LRRIQ1: variants seen among roughly 807,000 people sequenced by gnomAD.
LRRIQ1 encodes the protein leucine rich repeats and IQ motif containing 1, also known as leucine-rich repeat- and IQ domain-containing protein 1.
A neutral mutation model predicts 211.9 loss-of-function variants in LRRIQ1; 210 were observed. That is an observed-to-expected ratio of 0.99 (90% CI 0.89 to 1.11). The LOEUF (loss-of-function observed/expected upper bound fraction) is 1.11, where lower values mean the gene tolerates loss of function less well. LRRIQ1 is among the 50% of genes most tolerant of loss of function. The probability of loss-of-function intolerance (pLI) is 0.00; values close to 1 mark genes in which losing one functional copy is unlikely to be tolerated. For synonymous variants in LRRIQ1, 699 were observed against 650.1 expected, an observed-to-expected ratio of 1.08 and a Z score of -1.14; for missense variants, 2,136 against 1,939.5, an observed-to-expected ratio of 1.10 and a Z score of -1.90.
intron 15 of LRRIQ1, among the ~76,000 whole-genome samples, chr12:85,118,572 A>G (rs1477203812): frequency 6.9e-6 from 1 of 144,136 alleles, no homozygotes; most frequent in Non-Finnish European, 1.5e-5. Flanking sequence ...TTAATTTACT[A>G]TTACTACCAA....
intron 11 of LRRIQ1, among the ~76,000 whole-genome samples, chr12:85,080,007 A>G (rs1884100982): frequency 6.6e-6 from 1 of 151,996 alleles, no homozygotes; most frequent in South Asian, 2.1e-4. Context: ...CCTTTATTGT[A>G]GGTCTGCTGG....
intron 1 of LRRIQ1, among the ~76,000 whole-genome samples, chr12:85,255,215 A>T (rs191311123): frequency 6.6e-6 from 1 of 151,872 alleles, no homozygotes; most frequent in Admixed American, 6.6e-5. Context: ...TGTAATTATT[A>T]AATGCAAAAT....
rs760765297 is a variant in LRRIQ1 at position 85,072,975 on chromosome 12, A to G, written c.2764A>G (p.Thr922Ala). The change falls in exon 11 of 27, where the codon ACT becomes GCT. Residue 922 changes from threonine to alanine, a missense_variant. By Grantham distance (58) the Thr-to-Ala change is moderately conservative (BLOSUM62 0). Transcript: ENST00000393217. ...AGFCHHLGTS[T>A]SYLSLAQVWI... is the part of the protein sequence containing the mutation. ...GTTCTGCCATCACTTGGGCACCTCC[A>G]CTTCTTACTTATCCCTGGCACAAGT... The G allele has an allele frequency of 2.5e-6, 4 of 1,612,758 alleles. No individual in the cohort carries two copies. The highest frequency in any genetic ancestry group is 3.4e-6 in the Non-Finnish European group (4 of 1,179,306).
At chr12:85,100,883 T>C (rs1886299152) in intron 13 of LRRIQ1, among the ~76,000 whole-genome samples, 1 of 151,774 alleles carries the variant, frequency 6.6e-6, no homozygotes, top group Admixed American at 6.6e-5. Context: ...AAATTATCTA[T>C]TTTAATTTAT....
Position 85,098,354 on chromosome 12 carries a change from G to A in LRRIQ1, c.2888-1G>A. 6.3e-7 allele frequency: 1 copy of A among 1,590,360 alleles called. No homozygotes were observed. The highest frequency in any genetic ancestry group is 8.6e-7 in the Non-Finnish European group (1 of 1,164,544). On this transcript the variant is annotated splice_acceptor_variant, in intron 11 of 26. Transcript: ENST00000393217. LOFTEE classifies it high-confidence loss of function. The stretch of plus-strand genomic sequence containing the variant: ...GTGATCTTATAACTTTTTTCTTCTA[G>A]GTGGTTTAGAATCTTTGAAAAATCT...
chr12:85,052,216 G>A lies in LRRIQ1; in HGVS notation c.718G>A (p.Glu240Lys). The change falls in exon 7 of 27, where the codon GAG becomes AAG. Residue 240 changes from glutamate (E) to lysine (K), a missense_variant. Transcript: ENST00000393217. ...DKMNDELYKE[E>K]KIWKEKFKQH... ...GATGAATGATGAACTCTATAAAGAA[G>A]AGAAAATTTGGAAAGAGAAATTTAA... The A allele has an allele frequency of 6.4e-7, 1 of 1,562,128 alleles. No individual in the cohort carries two copies. The highest frequency in any genetic ancestry group is 8.7e-7 in the Non-Finnish European group (1 of 1,145,672).
intron 8 of LRRIQ1, among the ~76,000 whole-genome samples, chr12:85,060,670 C>T (rs1037303716): frequency 1.3e-5 from 2 of 151,714 alleles, no homozygotes; most frequent in African/African-American, 4.8e-5. Context: ...CCCTTTGCAG[C>T]TGATTTTTAA....
chr12:85,262,479 C>A (rs1896326910), intron 1 of LRRIQ1, among the ~76,000 whole-genome samples: 1 of 151,852 alleles, frequency 6.6e-6, no homozygotes, highest in Admixed American at 6.6e-5. Context: ...ACTCCTTTTT[C>A]TGAAAAAGAC....
intron 19 of LRRIQ1, among the ~76,000 whole-genome samples, chr12:85,151,142 T>C (rs997080246): frequency 1.3e-5 from 2 of 151,446 alleles, no homozygotes; most frequent in Non-Finnish European, 1.5e-5. Context: ...GATATATATA[T>C]ATATGTATAT....
At position 85,100,487 on chromosome 12, in the gene LRRIQ1, A is replaced by G. The variant is rs117609188; in HGVS notation, c.3209+1493A>G. On this transcript the variant is annotated intron_variant, in intron 13 of 26. Coordinates refer to ENST00000393217, the MANE Select transcript of LRRIQ1 (RefSeq NM_001079910.2). ...TTGCATAATCTTATAACGTTTGACT[A>G]TTGAGATGGGGTTTGCTATTTGGGG... Among the ~76,000 whole-genome samples the G allele has an allele frequency of 9.1e-3, 1,385 of 151,820 alleles. 8 individuals carry two copies. Among genetic ancestry groups the G allele is most frequent in the Non-Finnish European group, 0.016 (1,079 of 67,668 alleles).
At chr12:85,059,307 C>G (rs1881504493) in intron 8 of LRRIQ1, among the ~76,000 whole-genome samples, 1 of 151,982 alleles carries the variant, frequency 6.6e-6, no homozygotes, top group African/African-American at 2.4e-5. Context: ...GTTGTTCATA[C>G]TTCTTTACAC....
intron 21 of LRRIQ1, 67 bp downstream of exon 21, chr12:85,153,212 G>C: frequency 1.5e-6 from 2 of 1,358,432 alleles, no homozygotes; most frequent in Non-Finnish European, 2.0e-6. Context: ...TCATACAAAA[G>C]TAGTACAATT....
intron 18 of LRRIQ1, 107 bp from the exon 19 acceptor site, chr12:85,137,743 T>C: frequency 1.1e-6 from 1 of 918,738 alleles, no homozygotes. Context: ...TATTGTGTCA[T>C]TAAACTTAGG....
downstream of LRRIQ1, chr12:85,245,153 G>T: frequency 1.4e-6 from 1 of 696,206 alleles, no homozygotes; most frequent in Non-Finnish European, 2.1e-6. Context: ...AATATCTCCT[G>T]CCCCCCACAC....
At chr12:85,108,956 A>G (rs948959797) in intron 15 of LRRIQ1, among the ~76,000 whole-genome samples, 3 of 151,928 alleles carry the variant, frequency 2.0e-5, no homozygotes, top group African/African-American at 4.8e-5. Flanking sequence ...GTTAAAATAC[A>G]TTTATGAACA....
intron 24 of LRRIQ1, among the ~76,000 whole-genome samples, chr12:85,194,239 C>A (rs1306876084): frequency 1.6e-5 from 2 of 121,814 alleles, no homozygotes; most frequent in African/African-American, 6.6e-5. Flanking sequence ...CTTTAACACC[C>A]CACTGTCAAC....
At chr12:85,119,437 T>A (rs1179239442) in intron 15 of LRRIQ1, among the ~76,000 whole-genome samples, 1 of 152,200 alleles carries the variant, frequency 6.6e-6, no homozygotes, top group Non-Finnish European at 1.5e-5. Context: ...TGCTTCCAAG[T>A]TTTGGCGATT....
chr12:85,098,426 CT>C lies in LRRIQ1; in HGVS notation c.2962del (p.Cys988ValfsTer9). ...DHNQLINTKG[L>X]CDTPTIVYLD... ...CAATCAGTTAATTAATACAAAAGGT[CT>C]TTGTGATACACCTACCATTGTATAC... On this transcript the variant is annotated frameshift_variant, in exon 12 of 27. Coordinates refer to ENST00000393217, the MANE Select transcript of LRRIQ1 (RefSeq NM_001079910.2). LOFTEE classifies it high-confidence loss of function. 1 of 1,610,332 alleles carries C rather than the reference CT, an allele frequency of 6.2e-7. No individual in the cohort carries two copies. Among genetic ancestry groups the C allele is most frequent in the Non-Finnish European group, 8.5e-7 (1 of 1,177,726 alleles).
In LRRIQ1 at chr12:85,056,828, G is replaced by T; in HGVS notation, c.2035G>T (p.Gly679Cys). 1 of 1,612,834 alleles carries T rather than the reference G, an allele frequency of 6.2e-7. No homozygotes were observed. The highest frequency in any genetic ancestry group is 1.7e-4 in the Middle Eastern group (1 of 6,050). The change falls in exon 8 of 27, where the codon GGT becomes TGT. Residue 679 changes from glycine (G) to cysteine (C), a missense_variant. Coordinates refer to ENST00000393217, the MANE Select transcript of LRRIQ1 (RefSeq NM_001079910.2). The part of the protein sequence containing the change: ...GKRNDQDYVL[G>C]RHAPCEGLSN... ...AAGAAATGACCAAGATTATGTGTTA[G>T]GTAGACATGCTCCTTGTGAGGGCTT... is the stretch of plus-strand genomic sequence containing the variant.
Sources: allele counts gnomAD v4.1 joint callset (sites outside exome capture counted in the v4.1 genomes callset), GRCh38; gene constraint gnomAD v4.1.1; transcripts MANE v1.5; gene names NCBI Gene and HGNC (gene_info 2026-07-23, HGNC 2026-07-21).